The following PSEN1 variants were observed in gnomAD, a reference collection of about 807,000 sequenced individuals.
PSEN1 encodes presenilin-1.
PSEN1 carries 15 observed loss-of-function variants against 53.5 expected under a neutral mutation model. The observed-to-expected ratio is 0.28, with a 90% CI of 0.19 to 0.43. The LOEUF (loss-of-function observed/expected upper bound fraction) is 0.43, where lower values mean the gene tolerates loss of function less well. Ranked by LOEUF, PSEN1 falls within the 20% of genes least tolerant of loss-of-function variation. PSEN1 has a pLI of 1.00. For missense variants in PSEN1, 387 were observed against 571.2 expected (o/e 0.68, Z 3.29); for synonymous variants, 208 against 209.8 (o/e 0.99, Z 0.08).
intron 3 of PSEN1, among the ~76,000 whole-genome samples, chr14:73,150,097 G>A (rs1443389173): frequency 6.6e-6 from 1 of 152,132 alleles, no homozygotes; most frequent in Non-Finnish European, 1.5e-5. Flanking sequence ...AATGTTTCTA[G>A]CACATACAGA....
intron 11 of PSEN1, among the ~76,000 whole-genome samples, chr14:73,217,795 ATTT>A (rs746495189): frequency 7.9e-6 from 1 of 126,276 alleles, no homozygotes; most frequent in Non-Finnish European, 1.6e-5. Context: ...CAAAACTATG[ATTT>A]TTTTTTTTTT....
intron 5 of PSEN1, among the ~76,000 whole-genome samples, chr14:73,175,379 G>A (rs569235299): frequency 1.3e-5 from 2 of 152,028 alleles, no homozygotes; most frequent in African/African-American, 4.8e-5. Flanking sequence ...CACCCACCTC[G>A]GCCTCGCAAG....
At chr14:73,216,242 A>G (rs1038531248) in intron 10 of PSEN1, among the ~76,000 whole-genome samples, 2 of 152,240 alleles carry the variant, frequency 1.3e-5, no homozygotes, top group African/African-American at 2.4e-5. Context: ...TTATTGAGAT[A>G]GAAAGCAGAT....
At position 73,170,909 on chromosome 14, in the gene PSEN1, A is replaced by G. The variant is rs1897870382; in HGVS notation, c.200A>G (p.Glu67Gly). 1.2e-6 allele frequency: 2 copies of G among 1,614,126 alleles called. No individual in the cohort carries two copies. The highest frequency in any genetic ancestry group is 1.7e-6 in the Non-Finnish European group (2 of 1,180,050). Residue 67 changes from glutamate to glycine, a missense_variant, in exon 4 of 12, where the codon GAG becomes GGG. Glu to Gly is a moderately conservative substitution (Grantham distance 98). This residue lies in a region of PSEN1 where 99 missense variants were observed against 101.5 expected (regional missense o/e 0.98). Coordinates refer to ENST00000324501, the MANE Select transcript of PSEN1 (RefSeq NM_000021.4). Reference protein sequence around the residue: ...GNSRQVVEQDEEEDEELTLKY... With the variant: ...GNSRQVVEQDGEEDEELTLKY... ...TCCCGGCAGGTGGTGGAGCAAGATG[A>G]GGAAGAAGATGAGGAGCTGACATTG...
intron 3 of PSEN1, among the ~76,000 whole-genome samples, chr14:73,156,628 A>G (rs1161921575): frequency 6.6e-6 from 1 of 151,758 alleles, no homozygotes; most frequent in East Asian, 1.9e-4. Flanking sequence ...CATTTCTGAC[A>G]GTATTTGTTT....
At chr14:73,175,669 G>C (rs1260752832) in intron 5 of PSEN1, among the ~76,000 whole-genome samples, 1 of 152,110 alleles carries the variant, frequency 6.6e-6, no homozygotes, top group African/African-American at 2.4e-5. Flanking sequence ...TGATTCAAGT[G>C]CCTTGTAATT....
rs181509052 is a variant in PSEN1, at chr14:73,178,975, T to C, written c.480+5268T>C. Among the ~76,000 whole-genome samples the C allele has an allele frequency of 2.0e-3, 310 of 152,282 alleles. 1 individual carries two copies. The highest frequency in any genetic ancestry group is 7.3e-3 in the African/African-American group (303 of 41,540). Reference sequence around the variant, plus strand: ...CGGTTGTCAGGGTCGGTGTGTACTGTTGAGGATCATATCCATACTCACTCA... The same window carrying C: ...CGGTTGTCAGGGTCGGTGTGTACTGCTGAGGATCATATCCATACTCACTCA... On this transcript the variant is annotated intron_variant, in intron 5 of 11. Coordinates refer to ENST00000324501, the MANE Select transcript of PSEN1 (RefSeq NM_000021.4).
chr14:73,200,635 C>T (rs549608770), intron 8 of PSEN1, among the ~76,000 whole-genome samples: 16 of 152,280 alleles, frequency 1.1e-4, no homozygotes, highest in Middle Eastern at 3.4e-3. Flanking sequence ...ATAAATTTCA[C>T]GGTAACTATC....
chr14:73,218,439 C>A (rs930599715), intron 11 of PSEN1, among the ~76,000 whole-genome samples: 5 of 152,142 alleles, frequency 3.3e-5, no homozygotes, highest in African/African-American at 1.2e-4. Flanking sequence ...GCTATTTTTA[C>A]TAAAGATGTG....
intron 9 of PSEN1, chr14:73,209,033 C>A (rs1899571210): frequency 2.9e-6 from 1 of 349,176 alleles, no homozygotes; most frequent in South Asian, 2.2e-5. Flanking sequence ...CGCCCGCACA[C>A]CCGGCCAGGT....
chr14:73,198,238 A>C lies in PSEN1; in HGVS notation c.868+109A>C, dbSNP rs1899037803. On this transcript the variant is annotated intron_variant, in intron 8 of 11. Transcript: ENST00000324501. ...TGGTACTTGTTCTCATCTTAAATGC[A>C]CAGCATTCCTGGAACTCCTGCAGAT... 6 of 719,190 alleles carry C rather than the reference A, an allele frequency of 8.3e-6. No homozygotes were observed. In the South Asian group the frequency reaches 9.2e-5, roughly 11 times the overall value. 44.6% of individuals were successfully genotyped at this position (719,190 alleles called of 1,614,324 possible).
intron 4 of PSEN1, among the ~76,000 whole-genome samples, chr14:73,172,791 C>T (rs1301928894): frequency 7.2e-5 from 11 of 152,222 alleles, no homozygotes; most frequent in Admixed American, 1.3e-4. Flanking sequence ...GGTGGCTTCA[C>T]GTTCATCAAG....
rs1166113102 is a variant in PSEN1, at chr14:73,202,462, A to ATTTT, written c.869-3897_869-3894dup. On this transcript the variant is annotated intron_variant, in intron 8 of 11. Coordinates refer to ENST00000324501, the MANE Select transcript of PSEN1 (RefSeq NM_000021.4). Reference sequence around the variant, plus strand: ...TATATATATATATATATATATATATATTTTTTTTTTTTTTTTTTTTTTTTT... The same window carrying ATTTT: ...TATATATATATATATATATATATATATTTTTTTTTTTTTTTTTTTTTTTTTTTTT... Among the ~76,000 whole-genome samples, 15 of 11,524 alleles carry ATTTT rather than the reference A, an allele frequency of 1.3e-3. 4 individuals carry two copies. Among genetic ancestry groups the ATTTT allele is most frequent in the South Asian group, 0.011 (2 of 184 alleles). The allele number at this position is 11,524 out of a possible 152,430, so 7.6% of individuals were successfully genotyped here.
At chr14:73,159,313 C>T (rs1897459998) in intron 3 of PSEN1, among the ~76,000 whole-genome samples, 1 of 152,064 alleles carries the variant, frequency 6.6e-6, no homozygotes, top group Non-Finnish European at 1.5e-5. Flanking sequence ...TTCCAAACAG[C>T]TAGGACTACA....
intron 9 of PSEN1, among the ~76,000 whole-genome samples, chr14:73,210,023 G>C (rs144417985): frequency 3.3e-5 from 5 of 152,198 alleles, no homozygotes; most frequent in Non-Finnish European, 5.9e-5. Context: ...AACACTCCCC[G>C]GAAGGGAGGT....
At chr14:73,169,172 G>A (rs1349270938) in intron 3 of PSEN1, 1 of 152,206 alleles carries the variant, frequency 6.6e-6, no homozygotes, top group East Asian at 1.9e-4. Flanking sequence ...CATCCTGCCA[G>A]ACTGTTGATA....
chr14:73,175,057 A>G (rs1424371595), intron 5 of PSEN1, among the ~76,000 whole-genome samples: 1 of 152,104 alleles, frequency 6.6e-6, no homozygotes, highest in Non-Finnish European at 1.5e-5. Flanking sequence ...ATGGTGGCTC[A>G]TGCCTGTAAT....
chr14:73,160,354 T>A (rs1175102626), intron 3 of PSEN1, among the ~76,000 whole-genome samples: 2 of 152,276 alleles, frequency 1.3e-5, no homozygotes, highest in Admixed American at 6.5e-5. Flanking sequence ...TGAAAGTGGC[T>A]ATGCACATAT....
chr14:73,177,997 C>T (rs1385038760), intron 5 of PSEN1, among the ~76,000 whole-genome samples: 1 of 152,002 alleles, frequency 6.6e-6, no homozygotes, highest in Non-Finnish European at 1.5e-5. Context: ...TGGCGCACTG[C>T]AACCTCTGCC....
Sources: allele counts gnomAD v4.1 joint callset (sites outside exome capture counted in the v4.1 genomes callset), GRCh38; gene constraint gnomAD v4.1.1; regional missense constraint gnomAD v4.1.1; transcripts MANE v1.5; gene names NCBI Gene and HGNC (gene_info 2026-07-23, HGNC 2026-07-21).